Variants in ADGRA3 observed in about 807,000 individuals in gnomAD.
ADGRA3 encodes the protein adhesion G protein-coupled receptor A3.
In ADGRA3, 56 loss-of-function variants were observed where a neutral mutation model predicts 119.8. That is an observed-to-expected ratio of 0.47 (90% CI 0.38 to 0.58). ADGRA3 has a LOEUF of 0.58. Ranked by LOEUF, ADGRA3 falls within the 20% of genes least tolerant of loss-of-function variation. ADGRA3 has a pLI of 0.00. For missense variants in ADGRA3, 1,516 were observed against 1,649.0 expected (o/e 0.92, Z 1.40); for synonymous variants, 607 against 623.8 (o/e 0.97, Z 0.40).
chr4:22,501,659 T>A (rs542983724), intron 1 of ADGRA3, among the ~76,000 whole-genome samples: 2 of 152,220 alleles, frequency 1.3e-5, no homozygotes, highest in East Asian at 3.9e-4. Flanking sequence ...CCTCTGGATA[T>A]ACTAAGACTT....
At chr4:22,466,524 C>T (rs1363437979) in intron 2 of ADGRA3, among the ~76,000 whole-genome samples, 1 of 152,074 alleles carries the variant, frequency 6.6e-6, no homozygotes. Context: ...ATCAGGAGTT[C>T]GAGAACAGCC....
chr4:22,394,193 C>T (rs1161470123), intron 16 of ADGRA3: 1 of 151,864 alleles, frequency 6.6e-6, no homozygotes. Flanking sequence ...AATCAAAGGT[C>T]GATAATAAAA....
chr4:22,392,593 C>CT lies in ADGRA3; in HGVS notation c.2578dup (p.Arg860LysfsTer6). 1 of 1,613,916 alleles carries CT rather than the reference C, an allele frequency of 6.2e-7. No individual in the cohort carries two copies. The highest frequency in any genetic ancestry group is 8.5e-7 in the Non-Finnish European group (1 of 1,179,888). On this transcript the variant is annotated frameshift_variant, in exon 17 of 19. Transcript: ENST00000334304. LOFTEE classifies it high-confidence loss of function. ...TGGTGGTTCATCAGGATCCTGGCAT[C>CT]TTTTAGCTTTTTTAGTGACTTGTTT...
rs764628636 is a variant in ADGRA3, at chr4:22,401,561, A to T, written c.2358-7T>A. 9 of 1,595,974 alleles carry T rather than the reference A, an allele frequency of 5.6e-6. No individual in the cohort carries two copies. In the African/African-American group the frequency reaches 1.2e-4, roughly 21 times the overall value. ...GAGGCTGATTCTAATCAAACTGTTT[A>T]AAAAAGAGAGAAAATATTAATATTC... On this transcript the variant is annotated splice_polypyrimidine_tract_variant and splice_region_variant and intron_variant, in intron 15 of 18. Coordinates refer to ENST00000334304, the MANE Select transcript of ADGRA3 (RefSeq NM_145290.4).
Position 22,389,134 on chromosome 4 carries a change from C to T in ADGRA3, c.2677G>A (p.Ala893Thr). 2 of 1,614,024 alleles carry T rather than the reference C, an allele frequency of 1.2e-6. No homozygotes were observed. Among genetic ancestry groups the T allele is most frequent in the African/African-American group, 1.3e-5 (1 of 75,038 alleles). The change falls in exon 18 of 19, where the codon GCA becomes ACA. Residue 893 changes from alanine to threonine, a missense_variant. This residue lies in a region of ADGRA3 where 1,088 missense variants were observed against 1,107.1 expected (regional missense o/e 0.98). Coordinates refer to ENST00000334304, the MANE Select transcript of ADGRA3 (RefSeq NM_145290.4). ...CCGTAATTCTTAATGTTCGCTGCTG[C>T]AGTTATGCCGCAAACAATGATGGGG... ...GIPIIVCGITAAANIKNYGSR... is the reference protein window; with the variant it reads ...GIPIIVCGITTAANIKNYGSR...
chr4:22,477,380 G>C (rs1263176578), intron 1 of ADGRA3, among the ~76,000 whole-genome samples: 1 of 152,178 alleles, frequency 6.6e-6, no homozygotes, highest in Non-Finnish European at 1.5e-5. Context: ...GAAAAAATTA[G>C]AGTGATTATC....
At chr4:22,402,584 A>G in intron 15 of ADGRA3, 91 bp downstream of exon 15, 1 of 1,347,368 alleles carries the variant, frequency 7.4e-7, no homozygotes, top group Non-Finnish European at 1.0e-6. Context: ...ATACAGGATG[A>G]TAACAAACTC....
At chr4:22,510,635 A>T (rs907997345) in intron 1 of ADGRA3, among the ~76,000 whole-genome samples, 4 of 152,088 alleles carry the variant, frequency 2.6e-5, no homozygotes, top group Non-Finnish European at 5.9e-5. Context: ...TTCGTCCGAT[A>T]CCGTCTCTCC....
chr4:22,413,811 T>A lies in ADGRA3; in HGVS notation c.1813A>T (p.Thr605Ser), dbSNP rs760853167. 2.5e-6 allele frequency: 4 copies of A among 1,597,494 alleles called. No homozygotes were observed. The highest frequency in any genetic ancestry group is 3.4e-6 in the Non-Finnish European group (4 of 1,173,660). ...AGCTGAATAGAAGCCTCCACAATAG[T>A]ATTCTGAAAAAATATATATACATAA... ...NTFSSLALKN[T>S]IVEASIQLPP... Residue 605 changes from threonine to serine, a missense_variant, in exon 13 of 19, where the codon ACT (threonine) becomes TCT (serine). Around this residue, in one of 2 missense-constraint regions of ADGRA3, gnomAD observed 1,088 missense variants for 1,107.1 expected, o/e 0.98. Transcript: ENST00000334304.
intron 14 of ADGRA3, among the ~76,000 whole-genome samples, chr4:22,407,852 A>C (rs1715005317): frequency 1.3e-5 from 2 of 152,188 alleles, no homozygotes; most frequent in South Asian, 4.1e-4. Flanking sequence ...GACATTTTCC[A>C]TAATTATCAC....
chr4:22,454,630 T>A (rs772097493), intron 4 of ADGRA3, among the ~76,000 whole-genome samples: 6 of 152,070 alleles, frequency 3.9e-5, no homozygotes, highest in Non-Finnish European at 8.8e-5. Context: ...CTACACTGTG[T>A]TATTTGGTGT....
intron 1 of ADGRA3, among the ~76,000 whole-genome samples, chr4:22,501,029 C>T (rs1015528998): frequency 3.3e-5 from 5 of 152,130 alleles, no homozygotes; most frequent in East Asian, 1.9e-4. Flanking sequence ...AACACCCTCC[C>T]GTCCACCTGA....
chr4:22,407,671 GAACT>G (rs1714996941), intron 14 of ADGRA3, among the ~76,000 whole-genome samples: 1 of 152,112 alleles, frequency 6.6e-6, no homozygotes, highest in African/African-American at 2.4e-5. Context: ...GAAGTTAGCT[GAACT>G]AATACAGAGA....
At chr4:22,437,994 A>G (rs2109064819) in intron 8 of ADGRA3, among the ~76,000 whole-genome samples, 1 of 152,354 alleles carries the variant, frequency 6.6e-6, no homozygotes, top group East Asian at 1.9e-4. Flanking sequence ...CCCTAAGGCA[A>G]TGGCTCTTAC....
At chr4:22,474,165 A>G (rs1465684956) in intron 1 of ADGRA3, among the ~76,000 whole-genome samples, 1 of 152,216 alleles carries the variant, frequency 6.6e-6, no homozygotes, top group Admixed American at 6.5e-5. Context: ...TATATAATTA[A>G]TCATATTATG....
At chr4:22,475,391 T>A (rs2109124201) in intron 1 of ADGRA3, among the ~76,000 whole-genome samples, 1 of 152,282 alleles carries the variant, frequency 6.6e-6, no homozygotes, top group African/African-American at 2.4e-5. Context: ...CATGGTATGT[T>A]ATCACTCCCA....
chr4:22,496,418 C>A (rs1718827262), intron 1 of ADGRA3, among the ~76,000 whole-genome samples: 1 of 152,192 alleles, frequency 6.6e-6, no homozygotes, highest in African/African-American at 2.4e-5. Flanking sequence ...CAGGATCTGG[C>A]ACACTCGGCA....
chr4:22,424,452 T>G, intron 10 of ADGRA3, 100 bp from the exon 11 acceptor site: 1 of 1,317,588 alleles, frequency 7.6e-7, no homozygotes, highest in Non-Finnish European at 1.1e-6. Flanking sequence ...GCCTTCAGTC[T>G]CAAATTCCAC....
chr4:22,453,040 T>C (rs1354843515), intron 4 of ADGRA3, among the ~76,000 whole-genome samples: 1 of 148,226 alleles, frequency 6.7e-6, no homozygotes, highest in East Asian at 2.0e-4. Context: ...CTACTAAAAA[T>C]ACAAAAAAAA....
Sources: allele counts gnomAD v4.1 joint callset (sites outside exome capture counted in the v4.1 genomes callset), GRCh38; gene constraint gnomAD v4.1.1; regional missense constraint gnomAD v4.1.1; transcripts MANE v1.5; gene names NCBI Gene and HGNC (gene_info 2026-07-23, HGNC 2026-07-21).